The following MCPH1 variants were observed in gnomAD, a reference collection of about 807,000 sequenced individuals.
MCPH1 encodes microcephalin 1.
MCPH1 carries 104 observed loss-of-function variants against 84.5 expected under a neutral mutation model. The observed-to-expected ratio is 1.23, with a 90% CI of 1.05 to 1.45. The LOEUF is 1.45. Among genes scored for constraint, MCPH1 ranks in the 40% most tolerant of loss-of-function variants. The pLI, the probability that MCPH1 is intolerant of heterozygous loss-of-function variation, is 0.00. For synonymous variants in MCPH1, 514 were observed against 366.8 expected (o/e 1.40, Z -4.58); for missense variants, 1,498 against 1,005.7 (o/e 1.49, Z -6.62).
At chr8:6,538,284 A>G (rs1450319789) in intron 12 of MCPH1, among the ~76,000 whole-genome samples, 4 of 152,122 alleles carry the variant, frequency 2.6e-5, no homozygotes, top group African/African-American at 7.2e-5. Flanking sequence ...ACACACACAC[A>G]TACACGTTTT....
chr8:6,550,262 A>T (rs567740963), intron 12 of MCPH1, among the ~76,000 whole-genome samples: 18 of 152,224 alleles, frequency 1.2e-4, no homozygotes, highest in African/African-American at 4.3e-4. Flanking sequence ...TGCGCAGCTC[A>T]GGCAGCAGCC....
rs533076905 is a variant in MCPH1, at chr8:6,624,473, C to T, written c.2452+2782C>T. 2.0e-5 allele frequency among the ~76,000 whole-genome samples: 3 copies of T among 152,296 alleles called. No individual in the cohort carries two copies. The South Asian group carries it at 6.2e-4, about 32-fold the overall frequency. ...CAGTGTAGTAGACCTCTCCAGTGTA[C>T]CAGGCCTCTCCAGCCCACACTCTCT... On this transcript the variant is annotated intron_variant, in intron 13 of 13. Coordinates refer to ENST00000344683, the MANE Select transcript of MCPH1 (RefSeq NM_024596.5).
At chr8:6,619,837 G>A (rs1276573603) in intron 12 of MCPH1, among the ~76,000 whole-genome samples, 1 of 152,186 alleles carries the variant, frequency 6.6e-6, no homozygotes, top group Non-Finnish European at 1.5e-5. Flanking sequence ...GCCCGCCTCA[G>A]CCTCGCAAAG....
intron 5 of MCPH1, among the ~76,000 whole-genome samples, chr8:6,437,066 A>G (rs1013019184): frequency 6.6e-6 from 1 of 152,118 alleles, no homozygotes; most frequent in African/African-American, 2.4e-5. Flanking sequence ...AGTATTTCCT[A>G]CTAATTCTGA....
rs772186443 is a variant in MCPH1 at position 6,436,054 on chromosome 8, T to C, written c.328T>C (p.Cys110Arg). ...TTGTGTTCTTTTTGCACAGCGTAAATGTATGCAGCCCAAAGATTTTAATTT... is the reference window on the plus strand; with the variant it reads ...TTGTGTTCTTTTTGCACAGCGTAAACGTATGCAGCCCAAAGATTTTAATTT... Reference protein sequence around the residue: ...LSSLIKKKRKCMQPKDFNFKT... With the variant: ...LSSLIKKKRKRMQPKDFNFKT... Residue 110 changes from cysteine (C) to arginine (R), a missense_variant, in exon 5 of 14, where the codon TGT (cysteine) becomes CGT (arginine). Transcript: ENST00000344683. 6 of 1,613,732 alleles carry C rather than the reference T, an allele frequency of 3.7e-6. No individual in the cohort carries two copies. Among genetic ancestry groups the C allele is most frequent in the Non-Finnish European group, 5.1e-6 (6 of 1,179,824 alleles).
intron 12 of MCPH1, among the ~76,000 whole-genome samples, chr8:6,528,167 G>C (rs1172825366): frequency 6.6e-6 from 1 of 152,150 alleles, no homozygotes; most frequent in Admixed American, 6.5e-5. Context: ...ATAGTGCTGG[G>C]ATTTACAGGC....
intron 12 of MCPH1, among the ~76,000 whole-genome samples, chr8:6,602,993 G>C (rs1238795540): frequency 6.6e-6 from 1 of 152,076 alleles, no homozygotes; most frequent in Non-Finnish European, 1.5e-5. Context: ...CCGTGTGTGT[G>C]TGTGTGGCCG....
chr8:6,572,788 G>C (rs898609447), intron 12 of MCPH1, among the ~76,000 whole-genome samples: 3 of 152,228 alleles, frequency 2.0e-5, no homozygotes, highest in African/African-American at 7.2e-5. Context: ...GAGGTGAACA[G>C]ATGTCCCATC....
At chr8:6,478,317 C>A (rs7833479) in intron 10 of MCPH1, among the ~76,000 whole-genome samples, 19,578 of 152,040 alleles carry the variant, frequency 0.13, 1,336 homozygotes, top group Middle Eastern at 0.24. Flanking sequence ...GATCATCAAA[C>A]ACCATACATT....
intron 3 of MCPH1, among the ~76,000 whole-genome samples, chr8:6,419,181 ACACACAC>A (rs1799791752): frequency 2.6e-5 from 1 of 38,062 alleles, no homozygotes; most frequent in South Asian, 1.0e-3. Flanking sequence ...ACACACACAC[ACACACAC>A]GCATTTTTAC....
chr8:6,515,900 T>C (rs1816176421), intron 12 of MCPH1, among the ~76,000 whole-genome samples: 1 of 152,208 alleles, frequency 6.6e-6, no homozygotes. Context: ...GAGAGTGCTA[T>C]TCCTGTTCTT....
rs1029020380 is a variant in MCPH1, at chr8:6,442,561, G to T, written c.670+405G>T. On this transcript the variant is annotated intron_variant, in intron 7 of 13. Coordinates refer to ENST00000344683, the MANE Select transcript of MCPH1 (RefSeq NM_024596.5). ...GTGAAGTATGTAAAGATCGTCAATTGAGGAGATAAATAGAGGATTTCTAAT... is the reference window on the plus strand; with the variant it reads ...GTGAAGTATGTAAAGATCGTCAATTTAGGAGATAAATAGAGGATTTCTAAT... Among the ~76,000 whole-genome samples the T allele has an allele frequency of 3.3e-5, 5 of 152,086 alleles. No individual in the cohort carries two copies. In the South Asian group the frequency reaches 1.0e-3, roughly 32 times the overall value.
At chr8:6,563,073 CTT>C in intron 12 of MCPH1, 1 of 924,736 alleles carries the variant, frequency 1.1e-6, no homozygotes, top group Non-Finnish European at 1.6e-6. Context: ...TCTCTTTCCT[CTT>C]TTTCCAGTAG....
chr8:6,616,008 C>T (rs886771764), intron 12 of MCPH1: 2 of 152,160 alleles, frequency 1.3e-5, no homozygotes, highest in African/African-American at 4.8e-5. Flanking sequence ...TCTGACTATA[C>T]TAAGAACCAC....
chr8:6,605,749 G>GTGCAGTGGCACGATCTCAGCTCAC (rs1829719106), intron 12 of MCPH1, among the ~76,000 whole-genome samples: 1 of 152,142 alleles, frequency 6.6e-6, no homozygotes, highest in African/African-American at 2.4e-5. Flanking sequence ...CCAGGCTGGA[G>GTGCAGTGGCACGATCTCAGCTCAC]TGCAGTGGCA....
At chr8:6,447,949 G>GT (rs1318376892) in intron 8 of MCPH1, among the ~76,000 whole-genome samples, 3 of 151,912 alleles carry the variant, frequency 2.0e-5, no homozygotes, top group Admixed American at 2.0e-4. Flanking sequence ...CATTCCCATT[G>GT]TAACAAAGAT....
At chr8:6,597,270 C>T (rs191037828) in intron 12 of MCPH1, among the ~76,000 whole-genome samples, 12 of 152,160 alleles carry the variant, frequency 7.9e-5, no homozygotes, top group African/African-American at 2.7e-4. Context: ...TCATCACTGT[C>T]GACCCGGAGC....
At chr8:6,464,380 C>G (rs1806618801) in intron 9 of MCPH1, among the ~76,000 whole-genome samples, 1 of 152,180 alleles carries the variant, frequency 6.6e-6, no homozygotes, top group African/African-American at 2.4e-5. Context: ...CCCCCATTAG[C>G]ACGTTGTTTT....
chr8:6,418,615 G>T (rs150936335), intron 3 of MCPH1, among the ~76,000 whole-genome samples: 3 of 151,794 alleles, frequency 2.0e-5, no homozygotes, highest in African/African-American at 7.3e-5. Context: ...ACGGAGTCTC[G>T]CTCTGTCGCC....
Sources: allele counts gnomAD v4.1 joint callset (sites outside exome capture counted in the v4.1 genomes callset), GRCh38; gene constraint gnomAD v4.1.1; transcripts MANE v1.5; gene names NCBI Gene and HGNC (gene_info 2026-07-23, HGNC 2026-07-21).